Variants in DEFB124 observed in about 807,000 individuals in gnomAD.
DEFB124 encodes the protein beta-defensin 124.
For synonymous variants in DEFB124, 38 were observed against 36.5 expected (o/e 1.04, Z -0.15); for missense variants, 78 against 83.1 (o/e 0.94, Z 0.24).
intron 2 of DEFB124, among the ~76,000 whole-genome samples, chr20:31,467,104 G>A (rs753981358): frequency 2.0e-5 from 3 of 152,202 alleles, no homozygotes; most frequent in Non-Finnish European, 4.4e-5. Context: ...AAGTTTGACT[G>A]TTAAATGACA....
chr20:31,472,273 C>A (rs1196894152), intron 2 of DEFB124, among the ~76,000 whole-genome samples: 1 of 152,192 alleles, frequency 6.6e-6, no homozygotes, highest in African/African-American at 2.4e-5. Context: ...CGTGGTGGCG[C>A]GCGCCTGCAA....
At chr20:31,468,698 A>G (rs1181296610) in intron 2 of DEFB124, among the ~76,000 whole-genome samples, 1 of 151,978 alleles carries the variant, frequency 6.6e-6, no homozygotes, top group Non-Finnish European at 1.5e-5. Context: ...GATGGTCTCC[A>G]TCTCTTGACC....
chr20:31,472,982 A>AACAT lies in DEFB124; in HGVS notation c.31_32insATGT (p.Leu11HisfsTer14). On this transcript the variant is annotated frameshift_variant, in exon 2 of 3. Coordinates refer to ENST00000317676, the MANE Select transcript of DEFB124 (RefSeq NM_001037500.2). LOFTEE classifies it low-confidence loss of function (END_TRUNC). Reference sequence around the variant, plus strand: ...TGATGGCACATGACCCAGAACCAGGAGAGCCACAAGGAACAGAAGCAGCTG... The same window carrying AACAT: ...TGATGGCACATGACCCAGAACCAGGAACATGAGCCACAAGGAACAGAAGCAGCTG... The AACAT allele has an allele frequency of 6.2e-7, 1 of 1,614,118 alleles. No individual in the cohort carries two copies. The highest frequency in any genetic ancestry group is 8.5e-7 in the Non-Finnish European group (1 of 1,180,026).
rs1205694236 is a variant in DEFB124, at chr20:31,475,009, T to A, written c.-408A>T. 1.3e-5 allele frequency among the ~76,000 whole-genome samples: 2 copies of A among 152,180 alleles called. No homozygotes were observed. Among genetic ancestry groups the A allele is most frequent in the South Asian group, 2.1e-4 (1 of 4,828 alleles). Reference sequence around the variant, plus strand: ...TTCTGGGGGCTAATATGTTAGTGCATCCCCTTGATGGAGTGGACAGATGTG... The same window carrying A: ...TTCTGGGGGCTAATATGTTAGTGCAACCCCTTGATGGAGTGGACAGATGTG... On this transcript the variant is annotated 5_prime_UTR_variant, in exon 1 of 3. The change abolishes an upstream ATG in the 5' untranslated region. Coordinates refer to ENST00000317676, the MANE Select transcript of DEFB124 (RefSeq NM_001037500.2). The surrounding 1 kb of genome is among the most constrained non-coding windows in gnomAD (Gnocchi z 5.0).
intron 1 of DEFB124, among the ~76,000 whole-genome samples, 110 bp downstream of exon 1, chr20:31,474,517 C>T (rs1259665010): frequency 6.6e-6 from 1 of 152,226 alleles, no homozygotes; most frequent in Non-Finnish European, 1.5e-5. Flanking sequence ...CACACACAGA[C>T]ACACCCCAAT....
At chr20:31,474,339 C>T (rs544274705) in intron 1 of DEFB124, among the ~76,000 whole-genome samples, 23 of 152,314 alleles carry the variant, frequency 1.5e-4, no homozygotes, top group African/African-American at 5.3e-4. Context: ...GAGGGCCAAG[C>T]CACGGAAGGA....
At chr20:31,469,541 G>T (rs569498623) in intron 2 of DEFB124, among the ~76,000 whole-genome samples, 1 of 151,906 alleles carries the variant, frequency 6.6e-6, no homozygotes, top group Non-Finnish European at 1.5e-5. Flanking sequence ...GGGAAGGTCG[G>T]CAGATAAACA....
At chr20:31,471,190 T>C (rs1300785673) in intron 2 of DEFB124, among the ~76,000 whole-genome samples, 596 of 48,888 alleles carry the variant, frequency 0.012, no homozygotes, top group Middle Eastern at 0.028. Context: ...GGGGGCTGAC[T>C]CCCCCACCTC....
chr20:31,470,976 T>G (rs1241743575), intron 2 of DEFB124, among the ~76,000 whole-genome samples: 2 of 92,988 alleles, frequency 2.2e-5, no homozygotes, highest in African/African-American at 4.4e-5. Context: ...CGCCCCTCAC[T>G]TCCCGGACGG....
intron 2 of DEFB124, among the ~76,000 whole-genome samples, chr20:31,470,637 C>T (rs1411884606): frequency 1.7e-5 from 2 of 116,092 alleles, no homozygotes; most frequent in South Asian, 3.1e-4. Flanking sequence ...CCGGACAGGG[C>T]GGCTGGCCGG....
At chr20:31,470,729 A>C (rs1980246604) in intron 2 of DEFB124, among the ~76,000 whole-genome samples, 1 of 123,738 alleles carries the variant, frequency 8.1e-6, no homozygotes, top group East Asian at 2.9e-4. Flanking sequence ...TCCCTCCCGG[A>C]CGGGGTGGCT....
At chr20:31,467,011 T>C (rs1980100611) in intron 2 of DEFB124, among the ~76,000 whole-genome samples, 1 of 152,210 alleles carries the variant, frequency 6.6e-6, no homozygotes, top group Non-Finnish European at 1.5e-5. Flanking sequence ...CTGTGGTAAC[T>C]GCCACACTGG....
At chr20:31,469,395 A>C (rs1980167055) in intron 2 of DEFB124, among the ~76,000 whole-genome samples, 1 of 152,210 alleles carries the variant, frequency 6.6e-6, no homozygotes, top group Non-Finnish European at 1.5e-5. Context: ...TGCACGAGCA[A>C]CAAGAATGAA....
At chr20:31,466,000 T>C (rs1396275563) in intron 2 of DEFB124, among the ~76,000 whole-genome samples, 1 of 151,334 alleles carries the variant, frequency 6.6e-6, no homozygotes. Flanking sequence ...CTACCAAAAA[T>C]ACAAAAATTA....
chr20:31,470,275 C>A (rs1162407577), intron 2 of DEFB124, among the ~76,000 whole-genome samples: 2 of 145,092 alleles, frequency 1.4e-5, no homozygotes, highest in East Asian at 4.2e-4. Context: ...ACCTCCCTCC[C>A]GGACGGGGCG....
chr20:31,471,956 C>A (rs1265312712), intron 2 of DEFB124, among the ~76,000 whole-genome samples: 1 of 148,702 alleles, frequency 6.7e-6, no homozygotes, highest in Non-Finnish European at 1.5e-5. Flanking sequence ...ACGTCCCAGA[C>A]GATGGGCGGC....
At chr20:31,474,026 G>A (rs980830313) in intron 1 of DEFB124, among the ~76,000 whole-genome samples, 6 of 152,250 alleles carry the variant, frequency 3.9e-5, no homozygotes, top group Non-Finnish European at 7.3e-5. Flanking sequence ...AGTAGGGCAT[G>A]AGCCAAGCAA....
At chr20:31,466,474 C>T (rs1051121359) in intron 2 of DEFB124, among the ~76,000 whole-genome samples, 4 of 151,918 alleles carry the variant, frequency 2.6e-5, no homozygotes, top group African/African-American at 7.3e-5. Flanking sequence ...GTGGCGGGCA[C>T]CTGTAATCCC....
chr20:31,473,166 G>C lies in DEFB124; in HGVS notation c.-25-128C>G, dbSNP rs549350427. The C allele has an allele frequency of 2.6e-5, 20 of 758,386 alleles. No individual in the cohort carries two copies. In the South Asian group the frequency reaches 3.3e-4, roughly 12 times the overall value. The allele number at this position is 758,386 out of a possible 1,614,324, so 47.0% of individuals were successfully genotyped here. A position where few individuals can be genotyped will look rare whatever the true frequency, so the allele number is the denominator to read the frequency against. On this transcript the variant is annotated intron_variant, in intron 1 of 2. Transcript: ENST00000317676. ...CCTAAGTGGGAGTATGAGGCCATGT[G>C]GTCCCCAGGCTGCTTGGGATTTCAG... is the stretch of plus-strand genomic sequence containing the variant.
Sources: gnomAD v4.1 joint callset for allele counts (sites outside exome capture counted in the v4.1 genomes callset) on GRCh38, gnomAD v4.1.1 for gene constraint, Gnocchi (gnomAD v3.1) non-coding constraint, MANE v1.5 for transcripts, NCBI Gene and HGNC (gene_info 2026-07-23, HGNC 2026-07-21) for gene names.